The following TRAF6 variants were observed in gnomAD, a reference collection of about 807,000 sequenced individuals.
TRAF6 encodes the protein TNF receptor associated factor 6, also known as TNF receptor-associated factor 6.
Under a neutral mutation model 48.4 loss-of-function variants are expected in TRAF6, and 10 were observed. The ratio of observed to expected loss-of-function variants is 0.21; its 90% confidence interval spans 0.13 to 0.35. The LOEUF is 0.35. TRAF6 is among the 10% of genes least tolerant of loss of function. TRAF6 has a pLI of 1.00. For synonymous variants in TRAF6, 186 were observed against 219.6 expected, an observed-to-expected ratio of 0.85 and a Z score of 1.35; for missense variants, 397 against 661.0, an observed-to-expected ratio of 0.60 and a Z score of 4.38.
At position 36,508,772 on chromosome 11, in the gene TRAF6, T is replaced by C. The variant is rs573751075; in HGVS notation, c.-23+1276A>G. Among the ~76,000 whole-genome samples, 13 of 152,314 alleles carry C rather than the reference T, an allele frequency of 8.5e-5. No individual in the cohort carries two copies. In the South Asian group the frequency reaches 2.5e-3, roughly 29 times the overall value. On this transcript the variant is annotated intron_variant, in intron 1 of 6. Coordinates refer to ENST00000526995, the MANE Select transcript of TRAF6 (RefSeq NM_004620.4). ...AGAGATGCTGCAAAATACTCAACTGTTGTGCCTTAACTTTGAATCCAAATT... is the reference window on the plus strand; with the variant it reads ...AGAGATGCTGCAAAATACTCAACTGCTGTGCCTTAACTTTGAATCCAAATT...
rs539193489 is a variant in TRAF6 at position 36,484,130 on chromosome 11, G to A, written c.*5708C>T. Among the ~76,000 whole-genome samples, 4 of 152,324 alleles carry A rather than the reference G, an allele frequency of 2.6e-5. No individual in the cohort carries two copies. The South Asian group carries it at 6.2e-4, about 24-fold the overall frequency. ...ATTGACCTGATGGAGGCCATCCGAGGTTTCACTGCCATTAGGAGCAGGGCT... is the reference window on the plus strand; with the variant it reads ...ATTGACCTGATGGAGGCCATCCGAGATTTCACTGCCATTAGGAGCAGGGCT... On this transcript the variant is annotated 3_prime_UTR_variant, in exon 7 of 7. Transcript: ENST00000526995.
chr11:36,486,680 T>G lies in TRAF6; in HGVS notation c.*3158A>C, dbSNP rs756867362. Reference sequence around the variant, plus strand: ...ATAAAAGTTAAATCATATTGTAGTATACCAATAAACAGTCTTTGCTGCCAA... The same window carrying G: ...ATAAAAGTTAAATCATATTGTAGTAGACCAATAAACAGTCTTTGCTGCCAA... On this transcript the variant is annotated 3_prime_UTR_variant, in exon 7 of 7. Coordinates refer to ENST00000526995, the MANE Select transcript of TRAF6 (RefSeq NM_004620.4). Among the ~76,000 whole-genome samples the G allele has an allele frequency of 1.4e-4, 22 of 152,200 alleles. No individual in the cohort carries two copies. The highest frequency in any genetic ancestry group is 2.2e-4 in the Non-Finnish European group (15 of 68,048).
intron 3 of TRAF6, among the ~76,000 whole-genome samples, chr11:36,498,186 C>T (rs185476911): frequency 6.6e-6 from 1 of 152,090 alleles, no homozygotes; most frequent in Admixed American, 6.6e-5. Flanking sequence ...GCCTGGCCGA[C>T]ACCTGTATTT....
At chr11:36,497,052 T>A in intron 4 of TRAF6, 56 bp downstream of exon 4, 1 of 1,586,630 alleles carries the variant, frequency 6.3e-7, no homozygotes. Context: ...CAAGTACACA[T>A]TTAAGAACAA....
intron 1 of TRAF6, among the ~76,000 whole-genome samples, chr11:36,504,761 T>G (rs906261120): frequency 6.6e-5 from 10 of 152,228 alleles, no homozygotes; most frequent in African/African-American, 2.4e-4. Flanking sequence ...TATAGCCTTA[T>G]GAAATGCATG....
At chr11:36,497,304 T>A (rs1487037645) in intron 3 of TRAF6, 38 bp from the exon 4 acceptor site, 1 of 1,576,370 alleles carries the variant, frequency 6.3e-7, no homozygotes, top group East Asian at 2.2e-5. Context: ...ATTAGCCAAC[T>A]CTGAAGTCTT....
At chr11:36,496,681 C>T (rs1333703412) in intron 4 of TRAF6, among the ~76,000 whole-genome samples, 1 of 151,704 alleles carries the variant, frequency 6.6e-6, no homozygotes, top group Non-Finnish European at 1.5e-5. Flanking sequence ...ATCAAGAAAA[C>T]ATACTTTGTG....
At chr11:36,509,193 G>C (rs5030419) in intron 1 of TRAF6, among the ~76,000 whole-genome samples, 12,854 of 152,300 alleles carry the variant, frequency 0.084, 742 homozygotes, top group Non-Finnish European at 0.13. Flanking sequence ...TGTGTAACAA[G>C]ACATTCAGTA....
At position 36,485,797 on chromosome 11, in the gene TRAF6, C is replaced by T. The variant is rs1043693413; in HGVS notation, c.*4041G>A. Among the ~76,000 whole-genome samples the T allele has an allele frequency of 1.3e-5, 2 of 152,088 alleles. No individual in the cohort carries two copies. Among genetic ancestry groups the T allele is most frequent in the Non-Finnish European group, 2.9e-5 (2 of 68,034 alleles). ...GTGTCACAGTCTGCCAAGATCCATC[C>T]AATTTGATTTCATCAGATCATCTTT... On this transcript the variant is annotated 3_prime_UTR_variant, in exon 7 of 7. Transcript: ENST00000526995.
At chr11:36,501,867 C>G (rs1220444836) in intron 1 of TRAF6, 1 of 167,792 alleles carries the variant, frequency 6.0e-6, no homozygotes, top group African/African-American at 2.4e-5. Context: ...AGTTGTAATA[C>G]TCTTCTATAT....
rs1289570153 is a variant in TRAF6 at position 36,488,461 on chromosome 11, C to T, written c.*1377G>A. 1 of 152,978 alleles carries T rather than the reference C, an allele frequency of 6.5e-6. No individual in the cohort carries two copies. The highest frequency in any genetic ancestry group is 6.6e-5 in the Admixed American group (1 of 15,234). 9.5% of individuals were successfully genotyped at this position (152,978 alleles called of 1,614,324 possible). A position where few individuals can be genotyped will look rare whatever the true frequency, so the allele number is the denominator to read the frequency against. On this transcript the variant is annotated 3_prime_UTR_variant, in exon 7 of 7. Transcript: ENST00000526995. ...CTGGCTGGCGACTCTGATTTGGCCT[C>T]TCTGGGGGATACAATGTCATCTCTC...
chr11:36,496,568 GAA>G (rs1393355526), intron 4 of TRAF6: 1 of 150,802 alleles, frequency 6.6e-6, no homozygotes, highest in East Asian at 1.9e-4. Context: ...CAACAAGAGT[GAA>G]ACTCTGTCTC....
At chr11:36,494,251 G>A (rs142014332) in intron 5 of TRAF6, among the ~76,000 whole-genome samples, 114 of 152,214 alleles carry the variant, frequency 7.5e-4, no homozygotes, top group African/African-American at 2.0e-3. Context: ...GTGCACGCCC[G>A]TAGTCCCAGC....
chr11:36,494,945 G>A, intron 5 of TRAF6, 31 bp downstream of exon 5: 1 of 1,457,828 alleles, frequency 6.9e-7, no homozygotes, highest in Non-Finnish European at 9.5e-7. Flanking sequence ...AGCTGTTTAT[G>A]AAAATAATAA....
intron 5 of TRAF6, among the ~76,000 whole-genome samples, chr11:36,493,595 A>G (rs1859591592): frequency 6.6e-6 from 1 of 152,242 alleles, no homozygotes. Context: ...TGCTGATCCC[A>G]GATCTATTTA....
chr11:36,496,959 C>T (rs1343241087), intron 4 of TRAF6, 149 bp downstream of exon 4: 10 of 881,522 alleles, frequency 1.1e-5, no homozygotes, highest in Middle Eastern at 3.5e-4. Context: ...ATTGAACCTT[C>T]TTTTTCTTAA....
At chr11:36,500,236 G>A (rs1224653847) in intron 2 of TRAF6, among the ~76,000 whole-genome samples, 2 of 152,152 alleles carry the variant, frequency 1.3e-5, no homozygotes, top group East Asian at 1.9e-4. Flanking sequence ...GGGATTGTTC[G>A]GCAAGAAAGG....
chr11:36,496,764 C>A (rs1230695704), intron 4 of TRAF6, among the ~76,000 whole-genome samples: 1 of 113,004 alleles, frequency 8.8e-6, no homozygotes, highest in East Asian at 2.5e-4. Flanking sequence ...TAGATCTTAT[C>A]TTAATCTACT....
At chr11:36,500,765 G>T (rs997526948) in intron 2 of TRAF6, among the ~76,000 whole-genome samples, 1 of 151,848 alleles carries the variant, frequency 6.6e-6, no homozygotes, top group African/African-American at 2.4e-5. Flanking sequence ...TAAAAATACT[G>T]GTAATTTTAC....
Sources: allele counts gnomAD v4.1 joint callset (sites outside exome capture counted in the v4.1 genomes callset), GRCh38; gene constraint gnomAD v4.1.1; transcripts MANE v1.5; gene names NCBI Gene and HGNC (gene_info 2026-07-23, HGNC 2026-07-21).